The following PWP1 variants were observed in gnomAD, a reference collection of about 807,000 sequenced individuals.
The protein encoded by PWP1 is PWP1 homolog, endonuclein.
Under a neutral mutation model 69.9 loss-of-function variants are expected in PWP1, and 47 were observed. The ratio of observed to expected loss-of-function variants is 0.67; its 90% CI spans 0.53 to 0.86. The LOEUF is 0.86. PWP1 is among the 40% of genes least tolerant of loss of function. The probability of loss-of-function intolerance (pLI) is 0.00; values close to 1 mark genes in which losing one functional copy is unlikely to be tolerated. For synonymous variants in PWP1, 222 were observed against 208.2 expected, an observed-to-expected ratio of 1.07 and a Z score of -0.57; for missense variants, 551 against 608.8, an observed-to-expected ratio of 0.91 and a Z score of 1.00.
At chr12:107,686,298 C>T (rs568892298) in intron 1 of PWP1, among the ~76,000 whole-genome samples, 5 of 152,186 alleles carry the variant, frequency 3.3e-5, no homozygotes, top group Non-Finnish European at 7.3e-5. Flanking sequence ...GGCTTTTTGA[C>T]AACACCACTA....
chr12:107,692,920 T>A, intron 4 of PWP1, 21 bp downstream of exon 4: 1 of 1,612,686 alleles, frequency 6.2e-7, no homozygotes, highest in Non-Finnish European at 8.5e-7. Context: ...ACATCTTTTT[T>A]CTAATTATGC....
At chr12:107,703,213 G>A (rs1191589588) in intron 9 of PWP1, among the ~76,000 whole-genome samples, 182 bp downstream of exon 9, 2 of 152,138 alleles carry the variant, frequency 1.3e-5, no homozygotes, top group African/African-American at 4.8e-5. Context: ...GCCCATCTTA[G>A]AGATGAAAAA....
intron 3 of PWP1, among the ~76,000 whole-genome samples, chr12:107,690,484 G>A (rs1433724783): frequency 6.6e-6 from 1 of 152,200 alleles, no homozygotes; most frequent in Non-Finnish European, 1.5e-5. Context: ...GTGTGTGTGA[G>A]ACGGAGTCTT....
chr12:107,693,144 T>A, intron 5 of PWP1, 48 bp downstream of exon 5: 1 of 1,562,562 alleles, frequency 6.4e-7, no homozygotes, highest in Non-Finnish European at 8.6e-7. Context: ...GATGGTAAAA[T>A]AATAAGTGAA....
In PWP1 at chr12:107,712,227, T is replaced by C. The variant is rs149637510; in HGVS notation, c.*7T>C. 6.2e-7 allele frequency: 1 copy of C among 1,600,776 alleles called. No homozygotes were observed. The highest frequency in any genetic ancestry group is 1.3e-5 in the African/African-American group (1 of 74,634). ...TACACCCATGGAGTCTTAATGAAGATCATCTAATTTCCTGCTTACCTTAAC... is the reference window on the plus strand; with the variant it reads ...TACACCCATGGAGTCTTAATGAAGACCATCTAATTTCCTGCTTACCTTAAC... On this transcript the variant is annotated 3_prime_UTR_variant, in exon 15 of 15. Transcript: ENST00000412830.
intron 1 of PWP1, among the ~76,000 whole-genome samples, chr12:107,686,969 CAAAAAAAAAAA>C (rs61728433): frequency 1.1e-4 from 12 of 106,876 alleles, no homozygotes; most frequent in South Asian, 9.5e-4. Context: ...GACTCCGTCT[CAAAAAAAAAAA>C]AAAAAAAAAA....
chr12:107,698,161 A>C (rs1158978459), intron 7 of PWP1, among the ~76,000 whole-genome samples: 1 of 152,184 alleles, frequency 6.6e-6, no homozygotes, highest in Non-Finnish European at 1.5e-5. Context: ...CAGGAGTTCG[A>C]GACCAGCCTG....
intron 5 of PWP1, among the ~76,000 whole-genome samples, chr12:107,693,971 G>A (rs889995864): frequency 3.3e-5 from 5 of 152,022 alleles, no homozygotes; most frequent in Non-Finnish European, 2.9e-5. Flanking sequence ...CCAAAACATC[G>A]TGATCACCTT....
At chr12:107,702,619 GTCA>G (rs1243685109) in intron 8 of PWP1, among the ~76,000 whole-genome samples, 1 of 152,182 alleles carries the variant, frequency 6.6e-6, no homozygotes, top group East Asian at 1.9e-4. Flanking sequence ...AAAGAAAAAA[GTCA>G]TCAGAGATTT....
chr12:107,692,742 T>C, intron 3 of PWP1, 72 bp from the exon 4 acceptor site: 1 of 1,286,086 alleles, frequency 7.8e-7, no homozygotes, highest in Non-Finnish European at 1.1e-6. Context: ...AGTCCAAGAA[T>C]GGATGTCATA....
At chr12:107,688,218 G>A (rs1211565414) in intron 1 of PWP1, among the ~76,000 whole-genome samples, 1 of 152,034 alleles carries the variant, frequency 6.6e-6, no homozygotes, top group African/African-American at 2.4e-5. Flanking sequence ...AAGACTAAGA[G>A]GTGGAGTAGA....
intron 5 of PWP1, 135 bp from the exon 6 acceptor site, chr12:107,696,339 C>A: frequency 7.6e-7 from 1 of 1,316,608 alleles, no homozygotes; most frequent in Non-Finnish European, 1.0e-6. Context: ...AGCCTGGAAT[C>A]TCTTTATAAT....
chr12:107,705,371 A>T (rs1391500864), intron 11 of PWP1, among the ~76,000 whole-genome samples: 3 of 151,110 alleles, frequency 2.0e-5, no homozygotes, highest in East Asian at 1.9e-4. Flanking sequence ...GGTGAGAAAG[A>T]GTTTTTTTTT....
intron 14 of PWP1, 120 bp from the exon 15 acceptor site, chr12:107,711,991 T>G: frequency 1.4e-6 from 1 of 695,016 alleles, no homozygotes; most frequent in East Asian, 2.6e-5. Context: ...ACTTCTGAGT[T>G]GGTTACTCAC....
chr12:107,708,590 T>C (rs1318453834), intron 11 of PWP1, among the ~76,000 whole-genome samples: 3 of 152,210 alleles, frequency 2.0e-5, no homozygotes, highest in African/African-American at 7.2e-5. Context: ...CTGACTCACT[T>C]CTGTGGATGC....
chr12:107,687,178 T>A (rs1054601003), intron 1 of PWP1, among the ~76,000 whole-genome samples: 3 of 151,974 alleles, frequency 2.0e-5, no homozygotes, highest in Non-Finnish European at 4.4e-5. Context: ...CGGATTGGAG[T>A]AGTCCCAGTA....
chr12:107,688,226 A>G (rs1290581309), intron 1 of PWP1, among the ~76,000 whole-genome samples: 3 of 152,122 alleles, frequency 2.0e-5, no homozygotes, highest in Non-Finnish European at 4.4e-5. Context: ...GAGGTGGAGT[A>G]GAATGAGCAT....
chr12:107,708,772 A>C (rs995854796), intron 11 of PWP1, among the ~76,000 whole-genome samples, 154 bp from the exon 12 acceptor site: 26 of 152,348 alleles, frequency 1.7e-4, no homozygotes, highest in Non-Finnish European at 3.8e-4. Flanking sequence ...GTGCAAACTC[A>C]GGTCGTCCAA....
intron 8 of PWP1, among the ~76,000 whole-genome samples, chr12:107,699,704 A>G (rs1889666098): frequency 6.6e-6 from 1 of 152,234 alleles, no homozygotes; most frequent in African/African-American, 2.4e-5. Context: ...GGTGTTTGGC[A>G]GTGCCCATGG....
Sources: gnomAD v4.1 joint callset for allele counts (sites outside exome capture counted in the v4.1 genomes callset) on GRCh38, gnomAD v4.1.1 for gene constraint, MANE v1.5 for transcripts, NCBI Gene and HGNC (gene_info 2026-07-23, HGNC 2026-07-21) for gene names.